The following SIRPB2 variants were observed in gnomAD, a reference collection of about 807,000 sequenced individuals.
SIRPB2 encodes signal-regulatory protein beta-2.
A neutral mutation model predicts 27.1 loss-of-function variants in SIRPB2; 18 were observed. That is an observed-to-expected ratio of 0.66 (90% confidence interval 0.46 to 0.98). The LOEUF (loss-of-function observed/expected upper bound fraction) is 0.98, where lower values mean the gene tolerates loss of function less well. Among genes scored for constraint, SIRPB2 ranks in the 50% least tolerant of loss-of-function variants. SIRPB2 has a pLI of 0.00. For synonymous variants in SIRPB2, 150 were observed against 164.6 expected (o/e 0.91, Z 0.68); for missense variants, 420 against 417.4 (o/e 1.01, Z -0.06).
intron 1 of SIRPB2, among the ~76,000 whole-genome samples, chr20:1,490,107 T>C (rs1419097184): frequency 6.6e-6 from 1 of 152,152 alleles, no homozygotes. Flanking sequence ...TTCTGAGTAG[T>C]TTAGATTTCT....
chr20:1,481,629 G>A (rs1304338690), intron 1 of SIRPB2, among the ~76,000 whole-genome samples: 1 of 152,232 alleles, frequency 6.6e-6, no homozygotes, highest in South Asian at 2.1e-4. Flanking sequence ...GAGGGTCTAG[G>A]AAAGACTTAT....
At chr20:1,473,852 G>GT, downstream of SIRPB2, 1 of 456,298 alleles carries the variant, frequency 2.2e-6, no homozygotes, top group Non-Finnish European at 4.4e-6. Context: ...CGTGGCCGCT[G>GT]TAACAGATCA....
chr20:1,491,034 A>G (rs1213912087), intron 1 of SIRPB2, among the ~76,000 whole-genome samples: 1 of 152,196 alleles, frequency 6.6e-6, no homozygotes, highest in East Asian at 1.9e-4. Context: ...ACGTGGGCAT[A>G]GGAGCAATCA....
intron 4 of SIRPB2, chr20:1,476,757 T>C: frequency 9.5e-7 from 1 of 1,047,268 alleles, no homozygotes; most frequent in Non-Finnish European, 1.2e-6. Flanking sequence ...GGGCCGAGCA[T>C]CAGGAAGGCA....
downstream of SIRPB2, chr20:1,473,721 G>T (rs1021429619): frequency 2.5e-6 from 1 of 404,894 alleles, no homozygotes; most frequent in East Asian, 7.2e-5. Flanking sequence ...TGAGGTCAGA[G>T]GGGGTGGCAG....
chr20:1,474,006 TG>T, downstream of SIRPB2: 1 of 395,110 alleles, frequency 2.5e-6, no homozygotes, highest in Non-Finnish European at 5.1e-6. Context: ...TTCCAGCTTC[TG>T]GTGGCTGCTG....
At position 1,476,975 on chromosome 20, in the gene SIRPB2, C is replaced by A. The variant is rs535951468; in HGVS notation, c.859+363G>T. ...CAGACTCAAGGGGCGAGAACCTGCC[C>A]ATTACACTAGGAAGGGGCTCCATCC... On this transcript the variant is annotated intron_variant, in intron 4 of 4. Coordinates refer to ENST00000359801, the MANE Select transcript of SIRPB2 (RefSeq NM_001122962.2). 38 of 1,224,464 alleles carry A rather than the reference C, an allele frequency of 3.1e-5. 1 individual carries two copies. The South Asian group carries it at 5.9e-4, about 19-fold the overall frequency. 75.8% of individuals were successfully genotyped at this position (1,224,464 alleles called of 1,614,324 possible). A position where few individuals can be genotyped will look rare whatever the true frequency, so the allele number is the denominator to read the frequency against.
chr20:1,473,779 A>T (rs1033336549), downstream of SIRPB2: 2 of 455,470 alleles, frequency 4.4e-6, no homozygotes, highest in Non-Finnish European at 4.4e-6. Context: ...TTGCAAGGGC[A>T]GGTGGGACCC....
intron 1 of SIRPB2, among the ~76,000 whole-genome samples, chr20:1,480,865 G>T (rs2090664487): frequency 6.6e-6 from 1 of 152,348 alleles, no homozygotes; most frequent in South Asian, 2.1e-4. Context: ...CTGGAGCTCT[G>T]GCTATTAATC....
At chr20:1,484,934 G>A (rs760333575) in intron 1 of SIRPB2, among the ~76,000 whole-genome samples, 52 of 152,112 alleles carry the variant, frequency 3.4e-4, no homozygotes, top group Admixed American at 6.6e-4. Context: ...TCTGTCATTC[G>A]TAGCAACATG....
chr20:1,475,822 T>G lies in SIRPB2; in HGVS notation c.*345A>C. On this transcript the variant is annotated 3_prime_UTR_variant, in exon 5 of 5. Transcript: ENST00000359801. ...TACAGACATCTCCTGGGAAGAAGACTCTGAGTTGGATGTTGGAGGCCAAGA... is the reference window on the plus strand; with the variant it reads ...TACAGACATCTCCTGGGAAGAAGACGCTGAGTTGGATGTTGGAGGCCAAGA... The G allele has an allele frequency of 4.5e-6, 1 of 224,382 alleles. No individual in the cohort carries two copies. The highest frequency in any genetic ancestry group is 5.9e-5 in the South Asian group (1 of 16,882). The allele number at this position is 224,382 out of a possible 1,614,324, so 13.9% of individuals were successfully genotyped here.
intron 2 of SIRPB2, 141 bp downstream of exon 2, chr20:1,479,559 A>C (rs923009469): frequency 6.0e-6 from 8 of 1,325,760 alleles, no homozygotes; most frequent in South Asian, 2.8e-5. Context: ...AGCCACATGT[A>C]AATGTGCATG....
intron 1 of SIRPB2, 186 bp from the exon 2 acceptor site, chr20:1,480,251 C>T: frequency 1.4e-6 from 1 of 716,610 alleles, no homozygotes; most frequent in Non-Finnish European, 2.2e-6. Context: ...CTGAGCTATG[C>T]AATGGCAAAC....
chr20:1,475,910 G>A lies in SIRPB2; in HGVS notation c.*257C>T, dbSNP rs188875725. On this transcript the variant is annotated 3_prime_UTR_variant, in exon 5 of 5. Coordinates refer to ENST00000359801, the MANE Select transcript of SIRPB2 (RefSeq NM_001122962.2). ...AGAAAGGGCTGCAGCAGGGGCAAGG[G>A]TGTTGAGGAGAGACTGAGCCAGGGA... The A allele has an allele frequency of 1.4e-5, 6 of 427,336 alleles. No individual in the cohort carries two copies. Among genetic ancestry groups the A allele is most frequent in the African/African-American group, 1.2e-4 (6 of 48,490 alleles). 26.5% of individuals were successfully genotyped at this position (427,336 alleles called of 1,614,324 possible). A position where few individuals can be genotyped will look rare whatever the true frequency, so the allele number is the denominator to read the frequency against.
intron 1 of SIRPB2, among the ~76,000 whole-genome samples, chr20:1,482,277 A>G (rs988413089): frequency 6.6e-6 from 1 of 152,136 alleles, no homozygotes; most frequent in Non-Finnish European, 1.5e-5. Context: ...CTGAAAAACA[A>G]TACATTGTTG....
intron 1 of SIRPB2, among the ~76,000 whole-genome samples, chr20:1,483,974 T>C (rs2090699518): frequency 6.6e-6 from 1 of 152,248 alleles, no homozygotes; most frequent in African/African-American, 2.4e-5. Flanking sequence ...GGGATGTGTA[T>C]TGGTATAATA....
In SIRPB2 at chr20:1,479,709, G is replaced by A. The variant is rs199529466; in HGVS notation, c.442C>T (p.Leu148Phe). 1.1e-4 allele frequency: 173 copies of A among 1,613,968 alleles called. 1 individual carries two copies. The Middle Eastern group carries it at 2.6e-3, about 25-fold the overall frequency. The change falls in exon 2 of 5, where the codon CTT becomes TTT. Residue 148 changes from leucine (L) to phenylalanine (F), a missense_variant. Leu to Phe is a conservative substitution (Grantham distance 22). Coordinates refer to ENST00000359801, the MANE Select transcript of SIRPB2 (RefSeq NM_001122962.2). ...AGGGCCTGATCCTTACCCTTCACAAGCACTGAGGTGCCTTCATCCGATTTC... is the reference window on the plus strand; with the variant it reads ...AGGGCCTGATCCTTACCCTTCACAAACACTGAGGTGCCTTCATCCGATTTC... ...EMKSDEGTSV[L>F]VKGAGDPEPD...
intron 4 of SIRPB2, 104 bp downstream of exon 4, chr20:1,477,234 G>A: frequency 1.2e-6 from 2 of 1,613,314 alleles, no homozygotes; most frequent in Non-Finnish European, 1.7e-6. Flanking sequence ...TTGGTGGCAG[G>A]TTAGCCCCAG....
chr20:1,485,653 C>CACACCA lies in SIRPB2; in HGVS notation c.86-5589_86-5588insTGGTGT, dbSNP rs1555799540. Among the ~76,000 whole-genome samples the CACACCA allele has an allele frequency of 2.0e-3, 299 of 147,174 alleles. 1 individual carries two copies. Among genetic ancestry groups the CACACCA allele is most frequent in the African/African-American group, 7.2e-3 (286 of 39,844 alleles). ...TAGAACACACACACACACACACACA[C>CACACCA]CACACACACACACACACACAGAAAA... On this transcript the variant is annotated intron_variant, in intron 1 of 4. Transcript: ENST00000359801.
Sources: allele counts gnomAD v4.1 joint callset (sites outside exome capture counted in the v4.1 genomes callset), GRCh38; gene constraint gnomAD v4.1.1; transcripts MANE v1.5; gene names NCBI Gene and HGNC (gene_info 2026-07-23, HGNC 2026-07-21).